The following GFRA1 variants were observed in gnomAD, a reference collection of about 807,000 sequenced individuals.
The protein encoded by GFRA1 is GDNF family receptor alpha-1.
In GFRA1, 16 loss-of-function variants were observed where a neutral mutation model predicts 51.6. The ratio of observed to expected loss-of-function variants is 0.31; its 90% CI spans 0.21 to 0.47. GFRA1 has a LOEUF of 0.47. Ranked by LOEUF, GFRA1 falls within the 20% of genes least tolerant of loss-of-function variation. GFRA1 has a pLI of 1.00. For missense variants in GFRA1, 530 were observed against 594.3 expected, an observed-to-expected ratio of 0.89 and a Z score of 1.13; for synonymous variants, 270 against 241.3, an observed-to-expected ratio of 1.12 and a Z score of -1.10.
chr10:116,218,220 C>T (rs1321017548), intron 4 of GFRA1, among the ~76,000 whole-genome samples: 3 of 152,120 alleles, frequency 2.0e-5, no homozygotes, highest in Non-Finnish European at 4.4e-5. Context: ...TGCCCGTCTC[C>T]TCTGGACCTG....
At chr10:116,113,918 C>T (rs1957309388) in intron 6 of GFRA1, among the ~76,000 whole-genome samples, 3 of 152,134 alleles carry the variant, frequency 2.0e-5, no homozygotes, top group South Asian at 2.1e-4. Flanking sequence ...CATCATCACC[C>T]GCACCACCGT....
chr10:116,132,716 C>T (rs1376600361), intron 5 of GFRA1, among the ~76,000 whole-genome samples: 2 of 152,094 alleles, frequency 1.3e-5, no homozygotes, highest in Non-Finnish European at 2.9e-5. Flanking sequence ...AGTTTTCACC[C>T]GGTAAGAAGA....
chr10:116,223,734 T>A (rs780215892), intron 4 of GFRA1, among the ~76,000 whole-genome samples: 10 of 152,202 alleles, frequency 6.6e-5, no homozygotes, highest in Non-Finnish European at 1.0e-4. Flanking sequence ...CCCCACTGAG[T>A]GCCTTTGCAA....
chr10:116,227,832 T>C (rs1966407377), intron 4 of GFRA1, among the ~76,000 whole-genome samples: 1 of 152,248 alleles, frequency 6.6e-6, no homozygotes, highest in Non-Finnish European at 1.5e-5. Flanking sequence ...AGTATCATGC[T>C]TGTTGTGGCA....
intron 5 of GFRA1, among the ~76,000 whole-genome samples, chr10:116,131,571 C>T (rs978218474): frequency 6.6e-6 from 1 of 152,056 alleles, no homozygotes; most frequent in Non-Finnish European, 1.5e-5. Context: ...TGGACTGCTA[C>T]TCAGAAATAA....
chr10:116,228,208 G>A lies in GFRA1; in HGVS notation c.419-16563C>T, dbSNP rs552142018. On this transcript the variant is annotated intron_variant, in intron 4 of 10. Coordinates refer to ENST00000355422, the MANE Select transcript of GFRA1 (RefSeq NM_005264.8). ...CTGGTAGTCAGTAAGCAATTGGCTG[G>A]CTTTGCATGCCAGCATGGTGTGATT... 7.2e-5 allele frequency among the ~76,000 whole-genome samples: 11 copies of A among 152,312 alleles called. No homozygotes were observed. The South Asian group carries it at 2.3e-3, about 32-fold the overall frequency.
intron 5 of GFRA1, among the ~76,000 whole-genome samples, chr10:116,203,080 G>T (rs567969926): frequency 6.6e-6 from 1 of 152,076 alleles, no homozygotes; most frequent in East Asian, 1.9e-4. Context: ...ATCAGGGCTC[G>T]AGGAGGTCTG....
At chr10:116,267,940 A>AACAC (rs58079628) in intron 4 of GFRA1, among the ~76,000 whole-genome samples, 9,510 of 146,382 alleles carry the variant, frequency 0.065, 839 homozygotes, top group African/African-American at 0.21. Flanking sequence ...CTGACAGACT[A>AACAC]ACACACACAC....
At chr10:116,119,820 G>A (rs1345393974) in intron 6 of GFRA1, among the ~76,000 whole-genome samples, 1 of 152,250 alleles carries the variant, frequency 6.6e-6, no homozygotes, top group Non-Finnish European at 1.5e-5. Flanking sequence ...AATTATGGGA[G>A]CAGAAATTCG....
chr10:116,229,664 T>A (rs1015520112), intron 4 of GFRA1, among the ~76,000 whole-genome samples: 7 of 152,184 alleles, frequency 4.6e-5, no homozygotes, highest in Admixed American at 4.6e-4. Context: ...GCTCCCCTGC[T>A]AGGTTAAAAC....
At chr10:116,112,724 G>A (rs1957260206) in intron 6 of GFRA1, among the ~76,000 whole-genome samples, 1 of 152,222 alleles carries the variant, frequency 6.6e-6, no homozygotes, top group Admixed American at 6.5e-5. Context: ...TGGGCTCAGT[G>A]CTCCAGCCTG....
At chr10:116,257,747 T>C (rs1968985115) in intron 4 of GFRA1, among the ~76,000 whole-genome samples, 1 of 152,194 alleles carries the variant, frequency 6.6e-6, no homozygotes, top group Non-Finnish European at 1.5e-5. Context: ...TTCATGCGAT[T>C]CAATCTAAAA....
At chr10:116,070,453 C>T (rs1955327721) in intron 9 of GFRA1, among the ~76,000 whole-genome samples, 1 of 152,172 alleles carries the variant, frequency 6.6e-6, no homozygotes, top group Non-Finnish European at 1.5e-5. Context: ...AAAGCCATTT[C>T]TCAGTTTAAA....
intron 5 of GFRA1, among the ~76,000 whole-genome samples, chr10:116,180,969 A>C (rs532530650): frequency 9.2e-5 from 14 of 152,186 alleles, no homozygotes; most frequent in Non-Finnish European, 1.9e-4. Context: ...TCAGAAGCCC[A>C]ATCTTCTCCA....
chr10:116,195,608 G>A (rs796772297), intron 5 of GFRA1, among the ~76,000 whole-genome samples: 81 of 152,246 alleles, frequency 5.3e-4, no homozygotes, highest in African/African-American at 1.8e-3. Flanking sequence ...CTCTTTTGCC[G>A]GTCACTCACC....
chr10:116,217,167 G>T (rs1341137496), intron 4 of GFRA1, among the ~76,000 whole-genome samples: 4 of 152,188 alleles, frequency 2.6e-5, no homozygotes, highest in African/African-American at 4.8e-5. Context: ...AAAGGTGACA[G>T]GATGCGTCCT....
intron 4 of GFRA1, among the ~76,000 whole-genome samples, chr10:116,219,285 T>C (rs969179594): frequency 1.3e-5 from 2 of 152,238 alleles, no homozygotes; most frequent in African/African-American, 4.8e-5. Flanking sequence ...TTCTGTATAC[T>C]ATGAAAGTTA....
Position 116,255,507 on chromosome 10 carries a change from C to CAA in GFRA1, c.418+13994_418+13995dup, listed in dbSNP as rs59731835. On this transcript the variant is annotated intron_variant, in intron 4 of 10. Transcript: ENST00000355422. ...TGAGAATCATCAGGAAAAAAAAAAACAAAAAAAAAAACACTAGGTTTCCAC... is the reference window on the plus strand; with the variant it reads ...TGAGAATCATCAGGAAAAAAAAAAACAAAAAAAAAAAAACACTAGGTTTCCAC... 1.8e-3 allele frequency: 1,141 copies of CAA among 633,566 alleles called. 2 individuals carry two copies. The highest frequency in any genetic ancestry group is 8.7e-3 in the African/African-American group (424 of 48,810). The allele number at this position is 633,566 out of a possible 1,614,324, so 39.2% of individuals were successfully genotyped here. A position where few individuals can be genotyped will look rare whatever the true frequency, so the allele number is the denominator to read the frequency against.
At chr10:116,073,685 AAGATTCATTGT>A (rs979559085) in intron 9 of GFRA1, among the ~76,000 whole-genome samples, 36 of 152,274 alleles carry the variant, frequency 2.4e-4, no homozygotes, top group African/African-American at 7.5e-4. Context: ...AGCAACAGAA[AAGATTCATTGT>A]TGTCCCTGAT....
Sources: allele counts gnomAD v4.1 joint callset (sites outside exome capture counted in the v4.1 genomes callset), GRCh38; gene constraint gnomAD v4.1.1; transcripts MANE v1.5; gene names NCBI Gene and HGNC (gene_info 2026-07-23, HGNC 2026-07-21).